THRB: variants seen among roughly 807,000 people sequenced by gnomAD.
THRB encodes the protein thyroid hormone receptor beta.
Under a neutral mutation model 47.8 loss-of-function variants are expected in THRB, and 12 were observed. That is an observed-to-expected ratio of 0.25 (90% CI 0.16 to 0.41). THRB has a LOEUF of 0.41. Among genes scored for constraint, THRB ranks in the 10% least tolerant of loss-of-function variants. THRB has a pLI of 1.00. For missense variants in THRB, 348 were observed against 589.2 expected (o/e 0.59, Z 4.24); for synonymous variants, 218 against 212.2 (o/e 1.03, Z -0.24).
chr3:24,279,029 G>C (rs936475567), intron 3 of THRB, among the ~76,000 whole-genome samples: 11 of 152,030 alleles, frequency 7.2e-5, no homozygotes, highest in African/African-American at 2.7e-4. Flanking sequence ...ATGTTTCATA[G>C]AGATGGGGCC....
chr3:24,390,932 T>C (rs764469372), intron 1 of THRB, among the ~76,000 whole-genome samples: 18 of 152,046 alleles, frequency 1.2e-4, no homozygotes, highest in Non-Finnish European at 1.9e-4. Flanking sequence ...CTGGGATGAT[T>C]TTGGCAGATC....
Position 24,295,739 on chromosome 3 carries a change from G to A in THRB, c.-43+1487C>T, listed in dbSNP as rs143687600. ...CCAGCTTGGGGTTCCTGAGGCTTGG[G>A]TCTCAGGTCTAGGCCAACTATGTAT... is the stretch of plus-strand genomic sequence containing the variant. On this transcript the variant is annotated intron_variant, in intron 3 of 10. Coordinates refer to ENST00000646209, the MANE Select transcript of THRB (RefSeq NM_001354712.2). Among the ~76,000 whole-genome samples, 833 of 152,242 alleles carry A rather than the reference G, an allele frequency of 5.5e-3. 4 individuals are homozygous for A. The highest frequency in any genetic ancestry group is 9.5e-3 in the Non-Finnish European group (648 of 68,004).
chr3:24,155,502 A>G (rs950531604), intron 5 of THRB, among the ~76,000 whole-genome samples: 7 of 152,208 alleles, frequency 4.6e-5, no homozygotes, highest in African/African-American at 1.7e-4. Context: ...AATAACTTCC[A>G]TCAGGGAATA....
chr3:24,242,307 C>T (rs2049617421), intron 3 of THRB, among the ~76,000 whole-genome samples: 1 of 152,170 alleles, frequency 6.6e-6, no homozygotes, highest in South Asian at 2.1e-4. Flanking sequence ...AAATTCCATG[C>T]TCCCAGCATG....
intron 1 of THRB, among the ~76,000 whole-genome samples, chr3:24,488,556 T>G (rs139211065): frequency 2.1e-5 from 3 of 144,788 alleles, no homozygotes. Flanking sequence ...GAATTTGCCT[T>G]CTTTTTTTTT....
chr3:24,229,111 A>G, intron 3 of THRB, 110 bp from the exon 4 acceptor site: 1 of 718,618 alleles, frequency 1.4e-6, no homozygotes, highest in South Asian at 1.7e-5. Context: ...AATATTTGTT[A>G]CTCTCAACTC....
chr3:24,258,094 T>C (rs1275732544), intron 3 of THRB, among the ~76,000 whole-genome samples: 1 of 152,192 alleles, frequency 6.6e-6, no homozygotes, highest in Non-Finnish European at 1.5e-5. Flanking sequence ...TGAGTGACTT[T>C]GAACAGAGAA....
chr3:24,194,238 C>G (rs1256935532), intron 4 of THRB, among the ~76,000 whole-genome samples: 1 of 152,048 alleles, frequency 6.6e-6, no homozygotes, highest in East Asian at 1.9e-4. Context: ...TTCATGAAAC[C>G]AAACACCACA....
chr3:24,381,234 A>G (rs186897628), intron 1 of THRB, among the ~76,000 whole-genome samples: 28 of 152,326 alleles, frequency 1.8e-4, no homozygotes, highest in Non-Finnish European at 3.1e-4. Context: ...TGGTAAAACC[A>G]TATTTGAAAG....
At chr3:24,339,161 A>G (rs2062456344) in intron 1 of THRB, among the ~76,000 whole-genome samples, 1 of 152,074 alleles carries the variant, frequency 6.6e-6, no homozygotes, top group South Asian at 2.1e-4. Flanking sequence ...CAAAAATTGG[A>G]CCTCAATATT....
intron 1 of THRB, among the ~76,000 whole-genome samples, chr3:24,437,047 A>G (rs1288809572): frequency 6.6e-6 from 1 of 151,158 alleles, no homozygotes; most frequent in Non-Finnish European, 1.5e-5. Flanking sequence ...TTTCTCCATT[A>G]TCATAAAAAT....
intron 3 of THRB, among the ~76,000 whole-genome samples, chr3:24,266,066 C>G (rs1674488899): frequency 6.6e-6 from 1 of 152,054 alleles, no homozygotes; most frequent in African/African-American, 2.4e-5. Flanking sequence ...TTAATCTTCC[C>G]TAAACTTTCA....
intron 3 of THRB, among the ~76,000 whole-genome samples, chr3:24,280,374 G>A (rs1055466842): frequency 6.6e-6 from 1 of 152,076 alleles, no homozygotes; most frequent in Non-Finnish European, 1.5e-5. Flanking sequence ...GCAGCTGAGG[G>A]TCCTCTCTGT....
intron 1 of THRB, among the ~76,000 whole-genome samples, chr3:24,403,094 T>C (rs375686371): frequency 1.3e-5 from 2 of 152,040 alleles, no homozygotes; most frequent in East Asian, 1.9e-4. Flanking sequence ...GCTAGATCTA[T>C]ACATAACAAC....
Position 24,202,794 on chromosome 3 carries a change from G to A in THRB, c.23-12460C>T, listed in dbSNP as rs535834804. Among the ~76,000 whole-genome samples the A allele has an allele frequency of 3.2e-4, 49 of 152,288 alleles. 1 individual carries two copies. In the South Asian group the frequency reaches 1.0e-2, roughly 31 times the overall value. On this transcript the variant is annotated intron_variant, in intron 4 of 10. Transcript: ENST00000646209. ...AGATGAGAAAACCTTGGCTGAGAGA[G>A]CAAAAGATGTTACCCAAACTTACAG...
intron 1 of THRB, among the ~76,000 whole-genome samples, chr3:24,405,843 T>C (rs1050310661): frequency 2.0e-5 from 3 of 151,728 alleles, no homozygotes; most frequent in African/African-American, 7.2e-5. Context: ...ATTTCTAAAA[T>C]ATTGATTCTT....
intron 5 of THRB, among the ~76,000 whole-genome samples, chr3:24,189,421 C>A (rs1239402521): frequency 6.6e-6 from 1 of 152,104 alleles, no homozygotes; most frequent in Non-Finnish European, 1.5e-5. Flanking sequence ...AGCCCTAAGA[C>A]AATAAAGCGA....
intron 1 of THRB, among the ~76,000 whole-genome samples, chr3:24,451,913 T>C (rs1329684579): frequency 6.6e-6 from 1 of 152,228 alleles, no homozygotes; most frequent in Non-Finnish European, 1.5e-5. Context: ...TCAACTTCTA[T>C]GTTGCAACAG....
rs569875966 is a variant in THRB, at chr3:24,122,313, A to AT, written c.*570dup. 1,447 of 158,954 alleles carry AT rather than the reference A, an allele frequency of 9.1e-3. 15 individuals carry two copies. Among genetic ancestry groups the AT allele is most frequent in the Middle Eastern group, 0.044 (13 of 296 alleles). The allele number at this position is 158,954 out of a possible 1,614,324, so 9.8% of individuals were successfully genotyped here. On this transcript the variant is annotated 3_prime_UTR_variant, in exon 11 of 11. Transcript: ENST00000646209. ...AAAAATGATATTGGAAGGGCAGCTG[A>AT]TTTTTTTAGGACACAAATATTCCTG...
Sources: allele counts gnomAD v4.1 joint callset (sites outside exome capture counted in the v4.1 genomes callset), GRCh38; gene constraint gnomAD v4.1.1; transcripts MANE v1.5; gene names NCBI Gene and HGNC (gene_info 2026-07-23, HGNC 2026-07-21).